The following GPR153 variants were observed in gnomAD, a reference collection of about 807,000 sequenced individuals.
The protein encoded by GPR153 is G protein-coupled receptor 153.
A neutral mutation model predicts 34.1 loss-of-function variants in GPR153; 27 were observed. That is an observed-to-expected ratio of 0.79 (90% CI 0.58 to 1.09). The LOEUF (loss-of-function observed/expected upper bound fraction) is 1.09, where lower values mean the gene tolerates loss of function less well. GPR153 is among the 50% of genes least tolerant of loss of function. The probability of loss-of-function intolerance (pLI) is 0.00; values close to 1 mark genes in which losing one functional copy is unlikely to be tolerated. For synonymous variants in GPR153, 408 were observed against 405.4 expected (o/e 1.01, Z -0.08); for missense variants, 848 against 860.2 (o/e 0.99, Z 0.18).
At position 6,251,264 on chromosome 1, in the gene GPR153, G is replaced by A. The variant is rs1309213598; in HGVS notation, c.979+74C>T. ...ACCTCCTTAGTGGCGTTGCCTGACA[G>A]CCGTTTTCCTGCCAACCCCAATGAC... On this transcript the variant is annotated intron_variant, in intron 4 of 5. Transcript: ENST00000377893. This position sits in a 1 kb window ranked among gnomAD's most constrained non-coding sequence, Gnocchi z 4.9. 9.9e-6 allele frequency: 12 copies of A among 1,213,252 alleles called. No individual in the cohort carries two copies. In the East Asian group the frequency reaches 2.1e-4, roughly 22 times the overall value. 75.2% of individuals were successfully genotyped at this position (1,213,252 alleles called of 1,614,324 possible). A position where few individuals can be genotyped will look rare whatever the true frequency, so the allele number is the denominator to read the frequency against.
chr1:6,254,648 G>A lies in GPR153; in HGVS notation c.258C>T (p.Phe86=), dbSNP rs371899836. The change falls in exon 2 of 6, where the codon TTC becomes TTT. Residue 86 remains phenylalanine (F), a synonymous_variant. Transcript: ENST00000377893. The part of the protein sequence containing the change: ...FEWNEGLCKV[F]VSTFYTLTLA... ...GGGTGAGGGTGTAGAAGGTGGACACGAAGACCTTGCAGAGACCCTCATTCC... is the reference window on the plus strand; with the variant it reads ...GGGTGAGGGTGTAGAAGGTGGACACAAAGACCTTGCAGAGACCCTCATTCC... 28 of 1,613,686 alleles carry A rather than the reference G, an allele frequency of 1.7e-5. No homozygotes were observed. The highest frequency in any genetic ancestry group is 5.5e-5 in the South Asian group (5 of 91,048).
intron 4 of GPR153, 72 bp from the exon 5 acceptor site, chr1:6,250,696 T>C: frequency 2.5e-4 from 120 of 479,256 alleles, no homozygotes; most frequent in Middle Eastern, 6.6e-4. Flanking sequence ...TGGGAGGGAA[T>C]CCCAGGGATC....
Position 6,254,122 on chromosome 1 carries a change from C to A in GPR153, c.382G>T (p.Val128Leu), listed in dbSNP as rs1212134452. 1.2e-6 allele frequency: 2 copies of A among 1,610,036 alleles called. No homozygotes were observed. Among genetic ancestry groups the A allele is most frequent in the Non-Finnish European group, 1.7e-6 (2 of 1,176,962 alleles). ...YRLSNAKKQA[V>L]HTVMGIWMVS... ...ATCCAGATACCCATGACTGTGTGCA[C>A]CGCCTGCTTCTTGGCATTGCTCAGC... Residue 128 changes from valine to leucine, a missense_variant, in exon 3 of 6, where the codon GTG becomes TTG. Val to Leu is a conservative substitution (Grantham distance 32). Transcript: ENST00000377893.
In GPR153 at chr1:6,250,687, G is replaced by A. The variant is rs569173612; in HGVS notation, c.980-63C>T. On this transcript the variant is annotated intron_variant, in intron 4 of 5. Coordinates refer to ENST00000377893, the MANE Select transcript of GPR153 (RefSeq NM_207370.4). ...GGGTCATGGAAACTTGGGGGCATCT[G>A]GGAGGGAATCCCAGGGATCCCCCTG... is the stretch of plus-strand genomic sequence containing the variant. 245 of 762,208 alleles carry A rather than the reference G, an allele frequency of 3.2e-4. No individual in the cohort carries two copies. The Middle Eastern group carries it at 4.4e-3, about 14-fold the overall frequency. The allele number at this position is 762,208 out of a possible 1,614,324, so 47.2% of individuals were successfully genotyped here. A position where few individuals can be genotyped will look rare whatever the true frequency, so the allele number is the denominator to read the frequency against.
rs965150259 is a variant in GPR153 at position 6,249,427 on chromosome 1, C to T, written c.1741G>A (p.Gly581Ser). 2.2e-6 allele frequency: 3 copies of T among 1,366,780 alleles called. No individual in the cohort carries two copies. Among genetic ancestry groups the T allele is most frequent in the Non-Finnish European group, 2.8e-6 (3 of 1,064,058 alleles). 84.7% of individuals were successfully genotyped at this position (1,366,780 alleles called of 1,614,324 possible). Residue 581 changes from glycine (G) to serine (S), a missense_variant, in exon 6 of 6, where the codon GGC becomes AGC. By Grantham distance (56) the Gly-to-Ser change is moderately conservative. Transcript: ENST00000377893. The surrounding 1 kb of genome is among the most constrained non-coding windows in gnomAD (Gnocchi z 4.3). ...EPGGLRAAGGGGSTSSFLSSP... is the reference protein window; with the variant it reads ...EPGGLRAAGGSGSTSSFLSSP... ...CTCAGGAAGCTGCTGGTGCTGCCGC[C>T]GCCGCCCGCCGCGCGCAGCCCCCCG...
intron 3 of GPR153, among the ~76,000 whole-genome samples, chr1:6,252,715 G>A (rs555239231): frequency 2.6e-5 from 4 of 152,256 alleles, no homozygotes; most frequent in Non-Finnish European, 4.4e-5. Context: ...GCTGGTCTTT[G>A]CCCCAGTCCT....
chr1:6,249,208 G>T lies in GPR153; in HGVS notation c.*130C>A. 1 of 657,162 alleles carries T rather than the reference G, an allele frequency of 1.5e-6. No individual in the cohort carries two copies. Among genetic ancestry groups the T allele is most frequent in the Non-Finnish European group, 2.1e-6 (1 of 465,508 alleles). 40.7% of individuals were successfully genotyped at this position (657,162 alleles called of 1,614,324 possible). Reference sequence around the variant, plus strand: ...GGAGGAGCCGGAAGACAAACGCTGAGGCCAACGCCCCCTCACCCCTGGGAG... The same window carrying T: ...GGAGGAGCCGGAAGACAAACGCTGATGCCAACGCCCCCTCACCCCTGGGAG... On this transcript the variant is annotated 3_prime_UTR_variant, in exon 6 of 6. Coordinates refer to ENST00000377893, the MANE Select transcript of GPR153 (RefSeq NM_207370.4). The surrounding 1 kb of genome is among the most constrained non-coding windows in gnomAD (Gnocchi z 4.3).
intron 1 of GPR153, among the ~76,000 whole-genome samples, chr1:6,256,431 C>T (rs186773928): frequency 2.0e-4 from 30 of 150,382 alleles, no homozygotes; most frequent in Non-Finnish European, 3.8e-4. Context: ...AGTGCAGTGG[C>T]ACCACCTCAG....
intron 1 of GPR153, among the ~76,000 whole-genome samples, chr1:6,258,611 CAG>C (rs1248463132): frequency 6.6e-6 from 1 of 152,236 alleles, no homozygotes; most frequent in Non-Finnish European, 1.5e-5. Context: ...TCAGAGCAGA[CAG>C]AGTGTGAGTA....
chr1:6,249,981 G>C lies in GPR153; in HGVS notation c.1187C>G (p.Ser396Cys), dbSNP rs1638404780. The C allele has an allele frequency of 7.9e-7, 1 of 1,271,708 alleles. No homozygotes were observed. The allele number at this position is 1,271,708 out of a possible 1,614,324, so 78.8% of individuals were successfully genotyped here. The change falls in exon 6 of 6, where the codon TCC (serine) becomes TGC (cysteine). Residue 396 changes from serine to cysteine, a missense_variant. Ser to Cys is a moderately radical substitution (Grantham distance 112). Transcript: ENST00000377893. The surrounding 1 kb of genome is among the most constrained non-coding windows in gnomAD (Gnocchi z 4.3). ...GGCCCACACGTCCGCATCGTCGTGGGAGAAGCGCCGCGTGGGCGGGACCTG... is the reference window on the plus strand; with the variant it reads ...GGCCCACACGTCCGCATCGTCGTGGCAGAAGCGCCGCGTGGGCGGGACCTG... ...YLQVPPTRRF[S>C]HDDADVWAAV...
Position 6,249,602 on chromosome 1 carries a change from GA to G in GPR153, c.1565del (p.Phe522SerfsTer44). ...CGTCGGGGGCGGCGGGCGCAGCGGG[GA>G]AGGGCCCGGGCGGGCGGCGCAGGGC... is the stretch of plus-strand genomic sequence containing the variant. ...PQALRRPPGP[F>X]PAAPAAPDGA... On this transcript the variant is annotated frameshift_variant, in exon 6 of 6. Coordinates refer to ENST00000377893, the MANE Select transcript of GPR153 (RefSeq NM_207370.4). LOFTEE classifies it low-confidence loss of function (END_TRUNC). This position sits in a 1 kb window ranked among gnomAD's most constrained non-coding sequence, Gnocchi z 4.3. 1.7e-6 allele frequency: 2 copies of G among 1,145,838 alleles called. No homozygotes were observed. The highest frequency in any genetic ancestry group is 4.2e-5 in the South Asian group (1 of 23,584). The allele number at this position is 1,145,838 out of a possible 1,614,324, so 71.0% of individuals were successfully genotyped here.
chr1:6,251,542 G>T lies in GPR153; in HGVS notation c.787-12C>A. On this transcript the variant is annotated splice_polypyrimidine_tract_variant and intron_variant, in intron 3 of 5. Transcript: ENST00000377893. The surrounding 1 kb of genome is among the most constrained non-coding windows in gnomAD (Gnocchi z 4.9). ...CTGAAGCTCACCACCTGTGGGCACAGGGCTCGGCCTGGCACCTGCAGGACC... is the reference window on the plus strand; with the variant it reads ...CTGAAGCTCACCACCTGTGGGCACATGGCTCGGCCTGGCACCTGCAGGACC... The T allele has an allele frequency of 6.3e-7, 1 of 1,574,958 alleles. No individual in the cohort carries two copies.
At chr1:6,259,299 G>A (rs1433655513) in intron 1 of GPR153, among the ~76,000 whole-genome samples, 6 of 152,140 alleles carry the variant, frequency 3.9e-5, no homozygotes, top group Admixed American at 1.3e-4. Context: ...GCAGGGGCAC[G>A]TGCATCCTCT....
At position 6,250,503 on chromosome 1, in the gene GPR153, C is replaced by T. The variant is rs1168708991; in HGVS notation, c.1101G>A (p.Glu367=). 1.2e-6 allele frequency: 2 copies of T among 1,610,202 alleles called. No individual in the cohort carries two copies. The highest frequency in any genetic ancestry group is 2.7e-5 in the African/African-American group (2 of 74,884). The change falls in exon 5 of 6, where the codon GAG becomes GAA. Residue 367 remains glutamate (E), a synonymous_variant. Coordinates refer to ENST00000377893, the MANE Select transcript of GPR153 (RefSeq NM_207370.4). ...GTGGGTAGAGCTGGGGCAGGCCCCCCTCCAGGGCGGAGATCTCATACTTGG... is the reference window on the plus strand; with the variant it reads ...GTGGGTAGAGCTGGGGCAGGCCCCCTTCCAGGGCGGAGATCTCATACTTGG... ...RMAKYEISAL[E]GGLPQLYPLR... is the part of the protein sequence containing the mutation.
rs762271260 is a variant in GPR153, at chr1:6,254,107, C to G, written c.397G>C (p.Gly133Arg). ...AGGATGAAGGACACCATCCAGATAC[C>G]CATGACTGTGTGCACCGCCTGCTTC... Reference protein sequence around the residue: ...AKKQAVHTVMGIWMVSFILSA... With the variant: ...AKKQAVHTVMRIWMVSFILSA... The change falls in exon 3 of 6, where the codon GGT becomes CGT. Residue 133 changes from glycine (G) to arginine (R), a missense_variant. Gly to Arg is a moderately radical substitution (Grantham distance 125, BLOSUM62 -2). Coordinates refer to ENST00000377893, the MANE Select transcript of GPR153 (RefSeq NM_207370.4). 2 of 1,613,192 alleles carry G rather than the reference C, an allele frequency of 1.2e-6. No homozygotes were observed. Among genetic ancestry groups the G allele is most frequent in the Non-Finnish European group, 1.7e-6 (2 of 1,179,624 alleles).
chr1:6,252,790 T>A (rs913491050), intron 3 of GPR153, among the ~76,000 whole-genome samples: 2 of 152,164 alleles, frequency 1.3e-5, no homozygotes, highest in African/African-American at 4.8e-5. Flanking sequence ...AGGGGTTGGC[T>A]ACTGAGTCCA....
In GPR153 at chr1:6,253,840, C is replaced by T. The variant is rs141201270; in HGVS notation, c.664G>A (p.Ala222Thr). 8.6e-5 allele frequency: 138 copies of T among 1,602,020 alleles called. No individual in the cohort carries two copies. The African/African-American group carries it at 1.5e-3, about 18-fold the overall frequency. ...ATGGAGGAGCGCCGCTTGCCCTGCG[C>T]GTCCTCCACCACGATGGTGGGCACG... Reference protein sequence around the residue: ...FTVPTIVVEDAQGKRRSSIDG... With the variant: ...FTVPTIVVEDTQGKRRSSIDG... The change falls in exon 3 of 6, where the codon GCG (alanine) becomes ACG (threonine). Residue 222 changes from alanine (A) to threonine (T), a missense_variant. Transcript: ENST00000377893.
In GPR153 at chr1:6,255,049, C is replaced by T. The variant is rs542213882; in HGVS notation, c.-109-35G>A. On this transcript the variant is annotated intron_variant, in intron 1 of 5. Coordinates refer to ENST00000377893, the MANE Select transcript of GPR153 (RefSeq NM_207370.4). ...GGTGGCAGTGGGCACTCAGTGACTT[C>T]CTCTCTGGCGACAGCGTTGTAGCCC... The T allele has an allele frequency of 7.0e-6, 4 of 573,884 alleles. No individual in the cohort carries two copies. The Admixed American group carries it at 1.4e-4, about 20-fold the overall frequency. The allele number at this position is 573,884 out of a possible 1,614,324, so 35.5% of individuals were successfully genotyped here.
chr1:6,254,011 C>T lies in GPR153; in HGVS notation c.493G>A (p.Val165Met), dbSNP rs752038178. 30 of 1,613,356 alleles carry T rather than the reference C, an allele frequency of 1.9e-5. No homozygotes were observed. Among genetic ancestry groups the T allele is most frequent in the Non-Finnish European group, 2.3e-5 (27 of 1,179,986 alleles). Residue 165 changes from valine (V) to methionine (M), a missense_variant, in exon 3 of 6, where the codon GTG (valine) becomes ATG (methionine). Val to Met is a conservative substitution (Grantham distance 21). Coordinates refer to ENST00000377893, the MANE Select transcript of GPR153 (RefSeq NM_207370.4). ...RFYTHGCRFI[V>M]AEIGLGFGVC... ...CCAAAGCCCAGGCCGATCTCAGCCACGATGAAGCGGCAGCCATGGGTGTAG... is the reference window on the plus strand; with the variant it reads ...CCAAAGCCCAGGCCGATCTCAGCCATGATGAAGCGGCAGCCATGGGTGTAG...
Sources: gnomAD v4.1 joint callset for allele counts (sites outside exome capture counted in the v4.1 genomes callset) on GRCh38, gnomAD v4.1.1 for gene constraint, Gnocchi (gnomAD v3.1) non-coding constraint, MANE v1.5 for transcripts, NCBI Gene and HGNC (gene_info 2026-07-23, HGNC 2026-07-21) for gene names.